The following SLC35H1 variants were observed in gnomAD, a reference collection of about 807,000 sequenced individuals.
SLC35H1 encodes the protein ovarian cancer-overexpressed gene 1 protein.
the SLC35H1 span, chr20:46,358,845 G>GA: frequency 1.1e-6 from 1 of 905,736 alleles, no homozygotes; most frequent in Non-Finnish European, 1.7e-6. Flanking sequence ...AAGGCTGCGT[G>GA]ACTCAGGGCT....
At chr20:46,355,820 G>A in the SLC35H1 span, 4 of 1,614,104 alleles carry the variant, frequency 2.5e-6, no homozygotes, top group Non-Finnish European at 3.4e-6. The surrounding 1 kb of genome is among the most constrained non-coding windows in gnomAD (Gnocchi z 4.8). Flanking sequence ...CCAGCTTGAA[G>A]ATCAGAGAGA....
At chr20:46,350,503 A>G in the SLC35H1 span, 3 of 1,609,130 alleles carry the variant, frequency 1.9e-6, no homozygotes, top group Admixed American at 1.7e-5. Flanking sequence ...CAGCCCCTTC[A>G]AGGCCTTGGG....
chr20:46,362,535 T>G, the SLC35H1 span, among the ~76,000 whole-genome samples: 1 of 152,196 alleles, frequency 6.6e-6, no homozygotes, highest in South Asian at 2.1e-4. Flanking sequence ...CCTAAGTTAC[T>G]TGACCTCTGG....
chr20:46,353,394 C>A, the SLC35H1 span, among the ~76,000 whole-genome samples: 1 of 152,210 alleles, frequency 6.6e-6, no homozygotes, highest in South Asian at 2.1e-4. Flanking sequence ...TGACTCCCGG[C>A]GTCCCTCCCA....
the SLC35H1 span, among the ~76,000 whole-genome samples, chr20:46,359,807 C>T: frequency 8.5e-5 from 13 of 152,200 alleles, no homozygotes; most frequent in East Asian, 3.8e-4. Flanking sequence ...CCTATTGAAA[C>T]GCCACCTTCT....
chr20:46,357,860 G>C, the SLC35H1 span: 2 of 1,458,930 alleles, frequency 1.4e-6, no homozygotes, highest in Non-Finnish European at 9.4e-7. Context: ...CCCTCTGCTG[G>C]AGTGGGGCTC....
At chr20:46,354,107 C>T in the SLC35H1 span, among the ~76,000 whole-genome samples, 2 of 152,150 alleles carry the variant, frequency 1.3e-5, no homozygotes, top group Non-Finnish European at 2.9e-5. Context: ...ACACAGTTCT[C>T]CAGGGCTCTC....
chr20:46,360,058 G>C, the SLC35H1 span, among the ~76,000 whole-genome samples: 40 of 152,290 alleles, frequency 2.6e-4, no homozygotes, highest in East Asian at 6.6e-3. Context: ...TCAGTAAGCA[G>C]GGATAAAGAA....
At chr20:46,346,919 G>T in the SLC35H1 span, 2 of 150,086 alleles carry the variant, frequency 1.3e-5, no homozygotes, top group African/African-American at 4.9e-5. Flanking sequence ...TCTGTTAAGT[G>T]CATGCTCAGT....
chr20:46,355,315 G>A, the SLC35H1 span: 1 of 1,496,338 alleles, frequency 6.7e-7, no homozygotes, highest in Non-Finnish European at 9.0e-7. This position sits in a 1 kb window ranked among gnomAD's most constrained non-coding sequence, Gnocchi z 4.8. Flanking sequence ...TTGGAGCCTG[G>A]GGTCAGCAGC....
chr20:46,357,651 G>A, the SLC35H1 span: 175 of 1,613,962 alleles, frequency 1.1e-4, no homozygotes, highest in Non-Finnish European at 1.4e-4. Context: ...TGAGGTAGTC[G>A]GCCCAGCTCA....
the SLC35H1 span, among the ~76,000 whole-genome samples, chr20:46,358,115 C>G: frequency 6.6e-6 from 1 of 152,210 alleles, no homozygotes; most frequent in Non-Finnish European, 1.5e-5. Flanking sequence ...TATTGAAATA[C>G]TTCTCTAGTG....
chr20:46,350,224 C>T, the SLC35H1 span: 2 of 690,136 alleles, frequency 2.9e-6, no homozygotes, highest in Non-Finnish European at 4.5e-6. Flanking sequence ...CTTGTGTGAC[C>T]AGGCTCTGAA....
chr20:46,359,717 G>C, the SLC35H1 span, among the ~76,000 whole-genome samples: 1 of 152,202 alleles, frequency 6.6e-6, no homozygotes, highest in Non-Finnish European at 1.5e-5. Context: ...GGAGCCTCAG[G>C]TCCAGTGTTA....
chr20:46,360,551 AT>A, the SLC35H1 span, among the ~76,000 whole-genome samples: 142,585 of 150,378 alleles, frequency 0.95, 67,409 homozygotes, highest in East Asian at 1. Flanking sequence ...ATTTTATTTT[AT>A]TTTTTTTTTG....
At chr20:46,362,854 C>A in the SLC35H1 span, among the ~76,000 whole-genome samples, 1 of 152,240 alleles carries the variant, frequency 6.6e-6, no homozygotes, top group East Asian at 1.9e-4. Context: ...GCAAACTCCG[C>A]CTCACGGGTT....
At chr20:46,362,997 C>G in the SLC35H1 span, 1 of 152,440 alleles carries the variant, frequency 6.6e-6, no homozygotes, top group Middle Eastern at 3.4e-3. Context: ...AACTCCCGGC[C>G]TCAGGTGATC....
At chr20:46,356,739 T>C in the SLC35H1 span, 4 of 1,086,674 alleles carry the variant, frequency 3.7e-6, no homozygotes, top group Non-Finnish European at 5.5e-6. Context: ...TTCTGAACCA[T>C]CCCGGTGCCT....
the SLC35H1 span, among the ~76,000 whole-genome samples, chr20:46,361,763 C>T: frequency 4.6e-5 from 7 of 152,210 alleles, no homozygotes; most frequent in African/African-American, 1.7e-4. Flanking sequence ...CTGTTGAGAA[C>T]CACTGCTGAC....
Sources: allele counts gnomAD v4.1 joint callset (sites outside exome capture counted in the v4.1 genomes callset), GRCh38; gene constraint gnomAD v4.1.1; non-coding constraint Gnocchi (gnomAD v3.1); transcripts MANE v1.5; gene names NCBI Gene and HGNC (gene_info 2026-07-23, HGNC 2026-07-21).